TCIM: variants seen among roughly 807,000 people sequenced by gnomAD.
TCIM encodes human thyroid cancer 1.
A neutral mutation model predicts 7.0 loss-of-function variants in TCIM; 5 were observed. That is an observed-to-expected ratio of 0.71 (90% CI 0.37 to 1.50). The LOEUF is 1.50. TCIM is among the 40% of genes most tolerant of loss of function. The pLI, the probability that TCIM is intolerant of heterozygous loss-of-function variation, is 0.03. For missense variants in TCIM, 137 were observed against 129.7 expected (o/e 1.06, Z -0.27); for synonymous variants, 66 against 50.3 (o/e 1.31, Z -1.32).
rs1804775670 is a variant in TCIM, at chr8:40,155,097, C to T, written c.*1244C>T. The T allele has an allele frequency of 1.2e-5, 2 of 166,942 alleles. No individual in the cohort carries two copies. The highest frequency in any genetic ancestry group is 6.5e-5 in the Admixed American group (1 of 15,274). 10.3% of individuals were successfully genotyped at this position (166,942 alleles called of 1,614,324 possible). ...GATGAGTTTTAAAAGGCTTTCTCTT[C>T]ATACTTTTGAAAAATTTCTTCTATG... On this transcript the variant is annotated 3_prime_UTR_variant, in exon 1 of 1. Coordinates refer to ENST00000315792, the MANE Select transcript of TCIM (RefSeq NM_020130.5).
rs1804754839 is a variant in TCIM, at chr8:40,153,962, C to T, written c.*109C>T. On this transcript the variant is annotated 3_prime_UTR_variant, in exon 1 of 1. Coordinates refer to ENST00000315792, the MANE Select transcript of TCIM (RefSeq NM_020130.5). ...TTTTGCTGCTACCTTACAAGCTTCTCTTCTGTCAGGACTCCAGAGGCTGGA... is the reference window on the plus strand; with the variant it reads ...TTTTGCTGCTACCTTACAAGCTTCTTTTCTGTCAGGACTCCAGAGGCTGGA... The T allele has an allele frequency of 7.8e-6, 8 of 1,021,114 alleles. No homozygotes were observed. In the East Asian group the frequency reaches 1.7e-4, roughly 22 times the overall value. The allele number at this position is 1,021,114 out of a possible 1,614,324, so 63.3% of individuals were successfully genotyped here.
chr8:40,154,118 C>A lies in TCIM; in HGVS notation c.*265C>A. 2.0e-6 allele frequency: 1 copy of A among 510,552 alleles called. No homozygotes were observed. The highest frequency in any genetic ancestry group is 3.5e-6 in the Non-Finnish European group (1 of 284,246). 31.6% of individuals were successfully genotyped at this position (510,552 alleles called of 1,614,324 possible). ...CAAGGATTTGAAAACTCTTCCGTCC[C>A]TGCAGGAAAGGATTGATGCTGATAG... On this transcript the variant is annotated 3_prime_UTR_variant, in exon 1 of 1. Coordinates refer to ENST00000315792, the MANE Select transcript of TCIM (RefSeq NM_020130.5).
In TCIM at chr8:40,153,664, C is replaced by T; in HGVS notation, c.132C>T (p.Asp44=). The T allele has an allele frequency of 6.2e-7, 1 of 1,614,118 alleles. No individual in the cohort carries two copies. The highest frequency in any genetic ancestry group is 8.5e-7 in the Non-Finnish European group (1 of 1,180,014). Residue 44 remains aspartate (D), a synonymous_variant, in exon 1 of 1, where the codon GAC becomes GAT. Transcript: ENST00000315792. ...TGGGCAACATCTTTGAAAACACAGACCAAGAATCACTAGAAAGGCTCTTCA... is the reference window on the plus strand; with the variant it reads ...TGGGCAACATCTTTGAAAACACAGATCAAGAATCACTAGAAAGGCTCTTCA... ...KAVGNIFENT[D]QESLERLFRN...
rs759144112 is a variant in TCIM, at chr8:40,153,891, A to G, written c.*38A>G. 4.9e-5 allele frequency: 74 copies of G among 1,522,464 alleles called. No individual in the cohort carries two copies. In the South Asian group the frequency reaches 8.9e-4, roughly 18 times the overall value. The allele number at this position is 1,522,464 out of a possible 1,614,324, so 94.3% of individuals were successfully genotyped here. A position where few individuals can be genotyped will look rare whatever the true frequency, so the allele number is the denominator to read the frequency against. ...GGATAAGGACGTTATCCAAGAATGG[A>G]CATTCAAAGACCAAGTGAGTTTGTG... On this transcript the variant is annotated 3_prime_UTR_variant, in exon 1 of 1. Coordinates refer to ENST00000315792, the MANE Select transcript of TCIM (RefSeq NM_020130.5).
Position 40,153,701 on chromosome 8 carries a change from G to A in TCIM, c.169G>A (p.Asp57Asn). Residue 57 changes from aspartate (D) to asparagine (N), a missense_variant, in exon 1 of 1, where the codon GAC becomes AAC. By Grantham distance (23) the Asp-to-Asn change is conservative. Coordinates refer to ENST00000315792, the MANE Select transcript of TCIM (RefSeq NM_020130.5). ...AGAAAGGCTCTTCAGAAACTCTGGAGACAAGAAAGCAGAGGAGAGAGCCAA... is the reference window on the plus strand; with the variant it reads ...AGAAAGGCTCTTCAGAAACTCTGGAAACAAGAAAGCAGAGGAGAGAGCCAA... Reference protein sequence around the residue: ...SLERLFRNSGDKKAEERAKII... With the variant: ...SLERLFRNSGNKKAEERAKII... 6.2e-7 allele frequency: 1 copy of A among 1,614,128 alleles called. No individual in the cohort carries two copies. Among genetic ancestry groups the A allele is most frequent in the East Asian group, 2.2e-5 (1 of 44,868 alleles).
chr8:40,154,105 A>T lies in TCIM; in HGVS notation c.*252A>T, dbSNP rs915544498. On this transcript the variant is annotated 3_prime_UTR_variant, in exon 1 of 1. Coordinates refer to ENST00000315792, the MANE Select transcript of TCIM (RefSeq NM_020130.5). ...AAAATGCTTTCAGCAAGGATTTGAAAACTCTTCCGTCCCTGCAGGAAAGGA... is the reference window on the plus strand; with the variant it reads ...AAAATGCTTTCAGCAAGGATTTGAATACTCTTCCGTCCCTGCAGGAAAGGA... The T allele has an allele frequency of 1.3e-4, 70 of 525,968 alleles. No homozygotes were observed. Among genetic ancestry groups the T allele is most frequent in the African/African-American group, 1.3e-3 (66 of 52,660 alleles). 32.6% of individuals were successfully genotyped at this position (525,968 alleles called of 1,614,324 possible).
Position 40,154,333 on chromosome 8 carries a change from T to C in TCIM, c.*480T>C, listed in dbSNP as rs997512266. On this transcript the variant is annotated 3_prime_UTR_variant, in exon 1 of 1. Coordinates refer to ENST00000315792, the MANE Select transcript of TCIM (RefSeq NM_020130.5). The stretch of plus-strand genomic sequence containing the variant: ...GAGAGAAAATACCATGCATAAATTG[T>C]TTACTGAATTTTTATATCTGAGTGT... 14 of 412,584 alleles carry C rather than the reference T, an allele frequency of 3.4e-5. No individual in the cohort carries two copies. Among genetic ancestry groups the C allele is most frequent in the Non-Finnish European group, 6.2e-5 (14 of 226,268 alleles). The allele number at this position is 412,584 out of a possible 1,614,324, so 25.6% of individuals were successfully genotyped here.
In TCIM at chr8:40,154,962, C is replaced by T. The variant is rs569293235; in HGVS notation, c.*1109C>T. On this transcript the variant is annotated 3_prime_UTR_variant, in exon 1 of 1. Transcript: ENST00000315792. ...TTACCAAACTTTTTCAAAACAAATT[C>T]TTACGTCAAATATCTGGGAAGTTTC... The T allele has an allele frequency of 6.0e-6, 1 of 166,908 alleles. No individual in the cohort carries two copies. Among genetic ancestry groups the T allele is most frequent in the Non-Finnish European group, 1.5e-5 (1 of 68,054 alleles). The allele number at this position is 166,908 out of a possible 1,614,324, so 10.3% of individuals were successfully genotyped here.
chr8:40,153,897 A>G lies in TCIM; in HGVS notation c.*44A>G. 6.6e-7 allele frequency: 1 copy of G among 1,518,380 alleles called. No homozygotes were observed. Among genetic ancestry groups the G allele is most frequent in the South Asian group, 1.2e-5 (1 of 80,716 alleles). 94.1% of individuals were successfully genotyped at this position (1,518,380 alleles called of 1,614,324 possible). ...GGACGTTATCCAAGAATGGACATTC[A>G]AAGACCAAGTGAGTTTGTGAGATTC... On this transcript the variant is annotated 3_prime_UTR_variant, in exon 1 of 1. Coordinates refer to ENST00000315792, the MANE Select transcript of TCIM (RefSeq NM_020130.5).
In TCIM at chr8:40,153,883, A is replaced by G; in HGVS notation, c.*30A>G. On this transcript the variant is annotated 3_prime_UTR_variant, in exon 1 of 1. Transcript: ENST00000315792. ...AAGAGGATGGATAAGGACGTTATCC[A>G]AGAATGGACATTCAAAGACCAAGTG... 1 of 1,559,844 alleles carries G rather than the reference A, an allele frequency of 6.4e-7. No homozygotes were observed. The highest frequency in any genetic ancestry group is 8.7e-7 in the Non-Finnish European group (1 of 1,147,520).
chr8:40,154,245 G>T lies in TCIM; in HGVS notation c.*392G>T. The T allele has an allele frequency of 5.6e-6, 2 of 355,032 alleles. No individual in the cohort carries two copies. Among genetic ancestry groups the T allele is most frequent in the South Asian group, 4.2e-4 (2 of 4,808 alleles). 22.0% of individuals were successfully genotyped at this position (355,032 alleles called of 1,614,324 possible). On this transcript the variant is annotated 3_prime_UTR_variant, in exon 1 of 1. Transcript: ENST00000315792. ...AGGCCCTAGGACTTAAATCGAAGTT[G>T]AACTTTTTTTTTTTTTTTTAACCAA... is the stretch of plus-strand genomic sequence containing the variant.
chr8:40,153,995 C>A lies in TCIM; in HGVS notation c.*142C>A. On this transcript the variant is annotated 3_prime_UTR_variant, in exon 1 of 1. Coordinates refer to ENST00000315792, the MANE Select transcript of TCIM (RefSeq NM_020130.5). ...AGGACTCCAGAGGCTGGAAAGGGAC[C>A]GGGACTGGAAAGGGACCAGGACTGA... 1.3e-6 allele frequency: 1 copy of A among 752,870 alleles called. No individual in the cohort carries two copies. The allele number at this position is 752,870 out of a possible 1,614,324, so 46.6% of individuals were successfully genotyped here. A position where few individuals can be genotyped will look rare whatever the true frequency, so the allele number is the denominator to read the frequency against.
At position 40,155,098 on chromosome 8, in the gene TCIM, A is replaced by C. The variant is rs1804775709; in HGVS notation, c.*1245A>C. ...ATGAGTTTTAAAAGGCTTTCTCTTCATACTTTTGAAAAATTTCTTCTATGA... is the reference window on the plus strand; with the variant it reads ...ATGAGTTTTAAAAGGCTTTCTCTTCCTACTTTTGAAAAATTTCTTCTATGA... On this transcript the variant is annotated 3_prime_UTR_variant, in exon 1 of 1. Coordinates refer to ENST00000315792, the MANE Select transcript of TCIM (RefSeq NM_020130.5). 6.0e-6 allele frequency: 1 copy of C among 167,010 alleles called. No individual in the cohort carries two copies. The highest frequency in any genetic ancestry group is 1.5e-5 in the Non-Finnish European group (1 of 68,088). The allele number at this position is 167,010 out of a possible 1,614,324, so 10.3% of individuals were successfully genotyped here.
In TCIM at chr8:40,154,856, T is replaced by A. The variant is rs1460097071; in HGVS notation, c.*1003T>A. ...CTTGGTCTCAAAGGAAAAAATAAGA[T>A]GGTAAATGTTGATATTTACAAACTT... On this transcript the variant is annotated 3_prime_UTR_variant, in exon 1 of 1. Transcript: ENST00000315792. 6.0e-6 allele frequency: 1 copy of A among 167,042 alleles called. No individual in the cohort carries two copies. Among genetic ancestry groups the A allele is most frequent in the Non-Finnish European group, 1.5e-5 (1 of 68,072 alleles). 10.3% of individuals were successfully genotyped at this position (167,042 alleles called of 1,614,324 possible). A position where few individuals can be genotyped will look rare whatever the true frequency, so the allele number is the denominator to read the frequency against.
At position 40,153,636 on chromosome 8, in the gene TCIM, C is replaced by T. The variant is rs1259407906; in HGVS notation, c.104C>T (p.Ala35Val). Reference sequence around the variant, plus strand: ...TTCGACACAGCCTCTCGTAAGAAAGCCGTGGGCAACATCTTTGAAAACACA... The same window carrying T: ...TTCGACACAGCCTCTCGTAAGAAAGTCGTGGGCAACATCTTTGAAAACACA... ...YHFDTASRKK[A>V]VGNIFENTDQ... The change falls in exon 1 of 1, where the codon GCC becomes GTC. Residue 35 changes from alanine to valine, a missense_variant. By Grantham distance (64) the Ala-to-Val change is moderately conservative (BLOSUM62 0). Transcript: ENST00000315792. The T allele has an allele frequency of 6.2e-7, 1 of 1,614,022 alleles. No homozygotes were observed. Among genetic ancestry groups the T allele is most frequent in the African/African-American group, 1.3e-5 (1 of 74,918 alleles).
Position 40,154,108 on chromosome 8 carries a change from T to C in TCIM, c.*255T>C, listed in dbSNP as rs949807446. Reference sequence around the variant, plus strand: ...ATGCTTTCAGCAAGGATTTGAAAACTCTTCCGTCCCTGCAGGAAAGGATTG... The same window carrying C: ...ATGCTTTCAGCAAGGATTTGAAAACCCTTCCGTCCCTGCAGGAAAGGATTG... On this transcript the variant is annotated 3_prime_UTR_variant, in exon 1 of 1. Coordinates refer to ENST00000315792, the MANE Select transcript of TCIM (RefSeq NM_020130.5). 3.8e-6 allele frequency: 2 copies of C among 520,742 alleles called. No homozygotes were observed. Among genetic ancestry groups the C allele is most frequent in the South Asian group, 8.7e-5 (2 of 22,952 alleles). 32.3% of individuals were successfully genotyped at this position (520,742 alleles called of 1,614,324 possible). A position where few individuals can be genotyped will look rare whatever the true frequency, so the allele number is the denominator to read the frequency against.
At position 40,153,842 on chromosome 8, in the gene TCIM, A is replaced by C; in HGVS notation, c.310A>C (p.Lys104Gln). The change falls in exon 1 of 1, where the codon AAA becomes CAA. Residue 104 changes from lysine to glutamine, a missense_variant. Physicochemically the swap from Lys to Gln is moderately conservative, Grantham distance 53 (BLOSUM62 1). Coordinates refer to ENST00000315792, the MANE Select transcript of TCIM (RefSeq NM_020130.5). Reference protein sequence around the residue: ...QFLKLRKYSIKVH With the variant: ...QFLKLRKYSIQVH ...TCTGAAACTGCGGAAATATTCCATC[A>C]AAGTTCACTGAAGAGAAGAGGATGG... The C allele has an allele frequency of 6.2e-7, 1 of 1,612,382 alleles. No homozygotes were observed. Among genetic ancestry groups the C allele is most frequent in the South Asian group, 1.1e-5 (1 of 90,912 alleles).
In TCIM at chr8:40,155,076, A is replaced by C. The variant is rs1334192634; in HGVS notation, c.*1223A>C. The C allele has an allele frequency of 6.0e-6, 1 of 167,034 alleles. No homozygotes were observed. The highest frequency in any genetic ancestry group is 2.4e-5 in the African/African-American group (1 of 41,458). The allele number at this position is 167,034 out of a possible 1,614,324, so 10.3% of individuals were successfully genotyped here. On this transcript the variant is annotated 3_prime_UTR_variant, in exon 1 of 1. Transcript: ENST00000315792. ...TCTATTTATGTATCCATTAAGGATG[A>C]GTTTTAAAAGGCTTTCTCTTCATAC...
Position 40,154,263 on chromosome 8 carries a change from T to C in TCIM, c.*410T>C. 1 of 409,192 alleles carries C rather than the reference T, an allele frequency of 2.4e-6. No individual in the cohort carries two copies. The highest frequency in any genetic ancestry group is 4.5e-6 in the Non-Finnish European group (1 of 223,872). 25.3% of individuals were successfully genotyped at this position (409,192 alleles called of 1,614,324 possible). ...CGAAGTTGAACTTTTTTTTTTTTTT[T>C]TAACCAAATAGATAGGGGAAGGGAG... On this transcript the variant is annotated 3_prime_UTR_variant, in exon 1 of 1. Transcript: ENST00000315792.
Sources: gnomAD v4.1 joint callset for allele counts on GRCh38, gnomAD v4.1.1 for gene constraint, MANE v1.5 for transcripts, NCBI Gene and HGNC (gene_info 2026-07-23, HGNC 2026-07-21) for gene names.